COPE: variants seen among roughly 807,000 people sequenced by gnomAD.
COPE encodes coatomer subunit epsilon.
A neutral mutation model predicts 42.1 loss-of-function variants in COPE; 19 were observed. That is an observed-to-expected ratio of 0.45 (90% CI 0.31 to 0.66). COPE has a LOEUF of 0.66. Among genes scored for constraint, COPE ranks in the 30% least tolerant of loss-of-function variants. The pLI is 0.05. For missense variants in COPE, 402 were observed against 416.1 expected, an observed-to-expected ratio of 0.97 and a Z score of 0.30; for synonymous variants, 195 against 181.3, an observed-to-expected ratio of 1.08 and a Z score of -0.60.
chr19:18,913,826 C>T (rs2056832032), intron 1 of COPE, among the ~76,000 whole-genome samples: 1 of 152,236 alleles, frequency 6.6e-6, no homozygotes, highest in Non-Finnish European at 1.5e-5. Flanking sequence ...ACTGAGAAGG[C>T]TGTCAGCAAG....
Position 18,904,824 on chromosome 19 carries a change from C to A in COPE, c.526G>T (p.Asp176Tyr). 2 of 1,555,802 alleles carry A rather than the reference C, an allele frequency of 1.3e-6. No individual in the cohort carries two copies. The highest frequency in any genetic ancestry group is 1.7e-6 in the Non-Finnish European group (2 of 1,149,366). Reference sequence around the variant, plus strand: ...AGCTGGGTGAGGGTGGCATCCTCGTCCAGGTCCTGCATTCTCTTCAGCTCC... The same window carrying A: ...AGCTGGGTGAGGGTGGCATCCTCGTACAGGTCCTGCATTCTCTTCAGCTCC... The part of the protein sequence containing the change: ...RKELKRMQDL[D>Y]EDATLTQLAT... Residue 176 changes from aspartate to tyrosine, a missense_variant, in exon 6 of 10, where the codon GAC (aspartate) becomes TAC (tyrosine). Physicochemically the swap from Asp to Tyr is radical, Grantham distance 160. Transcript: ENST00000262812.
chr19:18,907,987 G>C (rs535079731), intron 3 of COPE, among the ~76,000 whole-genome samples: 45 of 152,342 alleles, frequency 3.0e-4, no homozygotes, highest in Middle Eastern at 3.4e-3. Context: ...CCCGTGCTGA[G>C]GGACCATGTT....
chr19:18,916,352 CA>C (rs540811137), intron 1 of COPE, among the ~76,000 whole-genome samples: 39 of 133,752 alleles, frequency 2.9e-4, no homozygotes, highest in Non-Finnish European at 3.1e-4. Flanking sequence ...GACTCTGTCT[CA>C]AAAAAAAAAA....
At position 18,912,450 on chromosome 19, in the gene COPE, A is replaced by G. The variant is rs1362707709; in HGVS notation, c.189+534T>C. Reference sequence around the variant, plus strand: ...TGAGCCACTGTGCCTGGCTCCTACCAATTATTTTAGGAAAAAAAAAAAAAT... The same window carrying G: ...TGAGCCACTGTGCCTGGCTCCTACCGATTATTTTAGGAAAAAAAAAAAAAT... On this transcript the variant is annotated intron_variant, in intron 2 of 9. Coordinates refer to ENST00000262812, the MANE Select transcript of COPE (RefSeq NM_007263.4). 5.3e-5 allele frequency among the ~76,000 whole-genome samples: 8 copies of G among 149,804 alleles called. No individual in the cohort carries two copies. The East Asian group carries it at 9.9e-4, about 18-fold the overall frequency.
intron 1 of COPE, among the ~76,000 whole-genome samples, chr19:18,913,559 T>C (rs1311226221): frequency 6.6e-6 from 1 of 152,058 alleles, no homozygotes; most frequent in Non-Finnish European, 1.5e-5. Flanking sequence ...AACATCCATT[T>C]TGGGATGATA....
chr19:18,905,455 C>T, intron 5 of COPE, 121 bp downstream of exon 5: 2 of 1,021,418 alleles, frequency 2.0e-6, no homozygotes, highest in Non-Finnish European at 2.8e-6. Flanking sequence ...AAGCCACCCC[C>T]ATGGAAAGGA....
chr19:18,911,928 G>A (rs1045375587), intron 2 of COPE, among the ~76,000 whole-genome samples: 2 of 147,066 alleles, frequency 1.4e-5, no homozygotes, highest in East Asian at 2.1e-4. Flanking sequence ...TCAGCTCACC[G>A]AAACCTCTGC....
rs2056803974 is a variant in COPE at position 18,910,954 on chromosome 19, A to G, written c.290+17T>C. ...ATGGCCCCGCGCCTCAGGCCAACCC[A>G]TTCTCTGGGGCCTCACCTCCGACTC... On this transcript the variant is annotated intron_variant, in intron 3 of 9. Transcript: ENST00000262812. 1.2e-6 allele frequency: 2 copies of G among 1,612,490 alleles called. No homozygotes were observed. Among genetic ancestry groups the G allele is most frequent in the Non-Finnish European group, 1.7e-6 (2 of 1,179,262 alleles).
At chr19:18,914,912 G>C (rs979787041) in intron 1 of COPE, among the ~76,000 whole-genome samples, 2 of 151,918 alleles carry the variant, frequency 1.3e-5, no homozygotes, top group Non-Finnish European at 2.9e-5. Flanking sequence ...ATTTTTAGTA[G>C]AGATGGGGTT....
At chr19:18,911,696 C>T (rs1348635831) in intron 2 of COPE, among the ~76,000 whole-genome samples, 6 of 152,002 alleles carry the variant, frequency 3.9e-5, no homozygotes, top group South Asian at 2.1e-4. Context: ...AGACTACAGG[C>T]GCCCGCCACC....
At chr19:18,917,734 G>C (rs2056866829) in intron 1 of COPE, among the ~76,000 whole-genome samples, 1 of 152,154 alleles carries the variant, frequency 6.6e-6, no homozygotes, top group Non-Finnish European at 1.5e-5. Context: ...CTCGGACAGA[G>C]AGAGAGTGGG....
intron 6 of COPE, 34 bp from the exon 7 acceptor site, chr19:18,903,457 CCT>C: frequency 6.4e-7 from 1 of 1,569,298 alleles, no homozygotes. Context: ...TGCCTGTGCC[CCT>C]GCTGCCCGGC....
intron 7 of COPE, among the ~76,000 whole-genome samples, chr19:18,902,797 G>GA (rs1366501283): frequency 2.4e-4 from 7 of 29,134 alleles, no homozygotes; most frequent in African/African-American, 5.6e-4. Context: ...AGGAAGGAAG[G>GA]AAGGAAGGAA....
At chr19:18,906,343 C>T (rs2056758876) in intron 4 of COPE, 1 of 180,182 alleles carries the variant, frequency 5.5e-6, no homozygotes, top group Non-Finnish European at 1.1e-5. Context: ...GTGCATGTCA[C>T]CATGCCTGGC....
At chr19:18,907,252 G>C in intron 3 of COPE, 140 bp from the exon 4 acceptor site, 1 of 869,676 alleles carries the variant, frequency 1.1e-6, no homozygotes, top group Non-Finnish European at 1.7e-6. Flanking sequence ...GCCGAGCATC[G>C]AGCTGTCCCG....
chr19:18,908,580 G>A (rs1416823017), intron 3 of COPE, among the ~76,000 whole-genome samples: 6 of 150,310 alleles, frequency 4.0e-5, no homozygotes, highest in Non-Finnish European at 7.4e-5. Flanking sequence ...GCAGTGGTGC[G>A]ATCTTGGCTC....
In COPE at chr19:18,900,369, G is replaced by A. The variant is rs538623967; in HGVS notation, c.804+12C>T. The A allele has an allele frequency of 6.2e-5, 96 of 1,546,338 alleles. No individual in the cohort carries two copies. Among genetic ancestry groups the A allele is most frequent in the South Asian group, 8.4e-5 (7 of 83,690 alleles). On this transcript the variant is annotated intron_variant, in intron 8 of 9. Coordinates refer to ENST00000262812, the MANE Select transcript of COPE (RefSeq NM_007263.4). ...ACATTAGGGTTGGCCTGGAGCCCTG[G>A]GGGCCGCTTACCTCAGGGGGCTTGC... is the stretch of plus-strand genomic sequence containing the variant.
At chr19:18,912,674 T>C (rs1209293241) in intron 2 of COPE, among the ~76,000 whole-genome samples, 2 of 150,952 alleles carry the variant, frequency 1.3e-5, no homozygotes, top group African/African-American at 2.4e-5. Context: ...GGAGAATCAC[T>C]TGAACCCAGG....
rs377125522 is a variant in COPE, at chr19:18,911,085, G to A, written c.190-14C>T. ...ACCGAACTTCCTCTGCAGTAGGGAC[G>A]AGGCGTCAGCTGCACCCGTCCACCC... On this transcript the variant is annotated splice_polypyrimidine_tract_variant and intron_variant, in intron 2 of 9. Transcript: ENST00000262812. 6.2e-6 allele frequency: 10 copies of A among 1,610,342 alleles called. No individual in the cohort carries two copies. The highest frequency in any genetic ancestry group is 4.0e-5 in the African/African-American group (3 of 74,816).
Sources: gnomAD v4.1 joint callset for allele counts (sites outside exome capture counted in the v4.1 genomes callset) on GRCh38, gnomAD v4.1.1 for gene constraint, MANE v1.5 for transcripts, NCBI Gene and HGNC (gene_info 2026-07-23, HGNC 2026-07-21) for gene names.